Variants in DYNC1I2 observed in about 807,000 individuals in gnomAD.
DYNC1I2 encodes the protein dynein cytoplasmic 1 intermediate chain 2.
A neutral mutation model predicts 88.6 loss-of-function variants in DYNC1I2; 53 were observed. That is an observed-to-expected ratio of 0.60 (90% CI 0.48 to 0.75). DYNC1I2 has a LOEUF of 0.75. Ranked by LOEUF, DYNC1I2 falls within the 30% of genes least tolerant of loss-of-function variation. The pLI is 0.00. For synonymous variants in DYNC1I2, 198 were observed against 254.6 expected (o/e 0.78, Z 2.12); for missense variants, 458 against 766.6 (o/e 0.60, Z 4.75).
At chr2:171,697,809 G>A (rs948691127) in intron 3 of DYNC1I2, among the ~76,000 whole-genome samples, 1 of 152,016 alleles carries the variant, frequency 6.6e-6, no homozygotes, top group South Asian at 2.1e-4. Context: ...GGCCATGATC[G>A]CACTACTGAA....
chr2:171,693,253 C>T (rs939644883), intron 3 of DYNC1I2, among the ~76,000 whole-genome samples: 1 of 152,004 alleles, frequency 6.6e-6, no homozygotes, highest in Non-Finnish European at 1.5e-5. Context: ...TGGAGATTAG[C>T]GAGAGATACA....
chr2:171,742,172 T>C (rs1689485910), intron 15 of DYNC1I2, among the ~76,000 whole-genome samples: 1 of 151,772 alleles, frequency 6.6e-6, no homozygotes, highest in Non-Finnish European at 1.5e-5. Context: ...CTTTATTTTT[T>C]TTATTTTTTT....
At chr2:171,715,797 A>T (rs1358589739) in intron 7 of DYNC1I2, among the ~76,000 whole-genome samples, 1 of 152,170 alleles carries the variant, frequency 6.6e-6, no homozygotes, top group African/African-American at 2.4e-5. Context: ...TTCTTCCCCA[A>T]AAGAGAGTGG....
intron 6 of DYNC1I2, among the ~76,000 whole-genome samples, chr2:171,715,016 A>C (rs975072084): frequency 6.6e-6 from 1 of 152,176 alleles, no homozygotes; most frequent in African/African-American, 2.4e-5. Flanking sequence ...CGACAACCTT[A>C]TTCAGTGGTC....
chr2:171,744,596 A>G (rs1290796213), intron 16 of DYNC1I2, among the ~76,000 whole-genome samples: 1 of 152,228 alleles, frequency 6.6e-6, no homozygotes, highest in Non-Finnish European at 1.5e-5. Flanking sequence ...ATCCATAAAC[A>G]TTAATCTTAG....
intron 3 of DYNC1I2, among the ~76,000 whole-genome samples, chr2:171,695,246 C>T (rs1447708285): frequency 2.0e-5 from 3 of 151,940 alleles, no homozygotes; most frequent in Admixed American, 6.6e-5. Context: ...ATTACAGGCA[C>T]GTGCCACCAC....
chr2:171,693,386 G>A (rs553904914), intron 3 of DYNC1I2, among the ~76,000 whole-genome samples: 3 of 152,158 alleles, frequency 2.0e-5, no homozygotes, highest in African/African-American at 7.2e-5. Flanking sequence ...GCTTATTTTC[G>A]AAGTGATTTG....
chr2:171,732,981 C>T (rs748782218), intron 15 of DYNC1I2, among the ~76,000 whole-genome samples: 1 of 152,148 alleles, frequency 6.6e-6, no homozygotes, highest in Non-Finnish European at 1.5e-5. Flanking sequence ...TCCTGAGCCT[C>T]TCCCTCCTCC....
At chr2:171,726,992 T>C in intron 11 of DYNC1I2, 76 bp downstream of exon 11, 1 of 1,408,904 alleles carries the variant, frequency 7.1e-7, no homozygotes. Context: ...CCTTTTTTCT[T>C]TTCTTGTCAA....
chr2:171,690,069 C>T lies in DYNC1I2; in HGVS notation c.-9-78C>T, dbSNP rs1395997188. ...GATAGCATTGAACTATATGGCCTTTCGGGACAGTTCTCTTCTTGGAACACT... is the reference window on the plus strand; with the variant it reads ...GATAGCATTGAACTATATGGCCTTTTGGGACAGTTCTCTTCTTGGAACACT... On this transcript the variant is annotated intron_variant, in intron 1 of 17. Coordinates refer to ENST00000397119, the MANE Select transcript of DYNC1I2 (RefSeq NM_001378.3). The T allele has an allele frequency of 1.6e-5, 14 of 887,914 alleles. No individual in the cohort carries two copies. In the East Asian group the frequency reaches 3.3e-4, roughly 21 times the overall value. The allele number at this position is 887,914 out of a possible 1,614,324, so 55.0% of individuals were successfully genotyped here. A position where few individuals can be genotyped will look rare whatever the true frequency, so the allele number is the denominator to read the frequency against.
intron 15 of DYNC1I2, among the ~76,000 whole-genome samples, chr2:171,732,079 T>C (rs1477608373): frequency 6.6e-6 from 1 of 152,210 alleles, no homozygotes; most frequent in Non-Finnish European, 1.5e-5. Context: ...CTTTCTCAAA[T>C]GTGACCGGGC....
chr2:171,727,961 A>G lies in DYNC1I2; in HGVS notation c.1137A>G (p.Ala379=). The G allele has an allele frequency of 6.2e-7, 1 of 1,612,926 alleles. No homozygotes were observed. Among genetic ancestry groups the G allele is most frequent in the Non-Finnish European group, 8.5e-7 (1 of 1,179,224 alleles). ...AAAGAACTCCACTGTCAGCAGCTGC[A>G]CACACAGTAAGTAAATAAGGTTATT... The part of the protein sequence containing the change: ...PVQRTPLSAA[A]HTHPVYCVNV... The change falls in exon 12 of 18, where the codon GCA becomes GCG. Residue 379 remains alanine (A), a synonymous_variant. Coordinates refer to ENST00000397119, the MANE Select transcript of DYNC1I2 (RefSeq NM_001378.3).
intron 15 of DYNC1I2, among the ~76,000 whole-genome samples, chr2:171,742,637 T>A (rs1689524507): frequency 6.6e-6 from 1 of 152,188 alleles, no homozygotes; most frequent in Non-Finnish European, 1.5e-5. Context: ...TTTTGTGTAT[T>A]TTTAGGAGGG....
rs577773218 is a variant in DYNC1I2, at chr2:171,692,755, GT to G, written c.109-17del. The G allele has an allele frequency of 4.5e-4, 692 of 1,544,240 alleles. 2 individuals are homozygous for G. The African/African-American group carries it at 8.5e-3, about 19-fold the overall frequency. On this transcript the variant is annotated intron_variant, in intron 2 of 17. Coordinates refer to ENST00000397119, the MANE Select transcript of DYNC1I2 (RefSeq NM_001378.3). ...TTTTTCATACTATATGTAAACATAAGTTTTTAACCTAAACATTTTAGACAGA... is the reference window on the plus strand; with the variant it reads ...TTTTTCATACTATATGTAAACATAAGTTTTAACCTAAACATTTTAGACAGA...
At chr2:171,702,342 A>T (rs1433538853) in intron 3 of DYNC1I2, among the ~76,000 whole-genome samples, 2 of 152,206 alleles carry the variant, frequency 1.3e-5, no homozygotes, top group Non-Finnish European at 2.9e-5. Flanking sequence ...CTTTCTGAAG[A>T]TCTCATTACC....
chr2:171,707,550 GT>G (rs541703559), intron 5 of DYNC1I2, among the ~76,000 whole-genome samples, 173 bp downstream of exon 5: 4 of 150,592 alleles, frequency 2.7e-5, no homozygotes, highest in Non-Finnish European at 5.9e-5. Context: ...AGGTTTCTTT[GT>G]TTTTTTTTAA....
chr2:171,703,167 C>T (rs1443960133), intron 3 of DYNC1I2, among the ~76,000 whole-genome samples: 2 of 152,220 alleles, frequency 1.3e-5, no homozygotes, highest in African/African-American at 2.4e-5. Flanking sequence ...ATTACTAGGT[C>T]ATGTCTTACC....
In DYNC1I2 at chr2:171,749,492, ACTTT is replaced by A. The variant is rs974419679; in HGVS notation, c.*1608_*1611del. Among the ~76,000 whole-genome samples, 1 of 152,096 alleles carries A rather than the reference ACTTT, an allele frequency of 6.6e-6. No homozygotes were observed. Among genetic ancestry groups the A allele is most frequent in the Non-Finnish European group, 1.5e-5 (1 of 67,962 alleles). On this transcript the variant is annotated 3_prime_UTR_variant, in exon 18 of 18. Coordinates refer to ENST00000397119, the MANE Select transcript of DYNC1I2 (RefSeq NM_001378.3). The stretch of plus-strand genomic sequence containing the variant: ...AAAACTTCAATTTTAGTAGAGTCAC[ACTTT>A]CTTTATATAGAAAAATTCATGTACT...
chr2:171,688,677 C>T (rs930083343), intron 1 of DYNC1I2: 3 of 152,112 alleles, frequency 2.0e-5, no homozygotes, highest in Admixed American at 6.5e-5. Flanking sequence ...TCATCCTTTT[C>T]GTATGCTTGA....
Sources: gnomAD v4.1 joint callset for allele counts (sites outside exome capture counted in the v4.1 genomes callset) on GRCh38, gnomAD v4.1.1 for gene constraint, MANE v1.5 for transcripts, NCBI Gene and HGNC (gene_info 2026-07-23, HGNC 2026-07-21) for gene names.